Variants in BAIAP2L2 observed in about 807,000 individuals in gnomAD.
The protein encoded by BAIAP2L2 is BAR/IMD domain containing adaptor protein 2 like 2, also known as BAR/IMD domain-containing adapter protein 2-like 2.
Under a neutral mutation model 60.4 loss-of-function variants are expected in BAIAP2L2, and 65 were observed. The observed-to-expected ratio is 1.08, with a 90% CI of 0.88 to 1.32. The LOEUF (loss-of-function observed/expected upper bound fraction) is 1.32. Ranked by LOEUF, BAIAP2L2 falls within the 40% of genes most tolerant of loss-of-function variation. The probability of loss-of-function intolerance (pLI) is 0.00; values close to 1 mark genes in which losing one functional copy is unlikely to be tolerated. For missense variants in BAIAP2L2, 836 were observed against 741.2 expected (o/e 1.13, Z -1.48); for synonymous variants, 344 against 301.7 (o/e 1.14, Z -1.45).
chr22:38,108,506 G>C (rs2086715909), intron 2 of BAIAP2L2, among the ~76,000 whole-genome samples, 165 bp from the exon 3 acceptor site: 1 of 152,170 alleles, frequency 6.6e-6, no homozygotes, highest in Non-Finnish European at 1.5e-5. Context: ...TCAGGTGCAG[G>C]GGCATAAGGT....
At chr22:38,085,601 A>C in intron 13 of BAIAP2L2, 85 bp downstream of exon 13, 1 of 1,483,904 alleles carries the variant, frequency 6.7e-7, no homozygotes, top group Non-Finnish European at 9.4e-7. Context: ...CTCCTGCCCC[A>C]GTCTCCCTAG....
chr22:38,108,539 G>A (rs1602035985), intron 2 of BAIAP2L2, among the ~76,000 whole-genome samples, 198 bp from the exon 3 acceptor site: 1 of 152,192 alleles, frequency 6.6e-6, no homozygotes, highest in East Asian at 1.9e-4. Context: ...CAGGGAGGTG[G>A]CGTGGAAAGC....
At position 38,089,171 on chromosome 22, in the gene BAIAP2L2, C is replaced by CGTAGGA. The variant is rs771158026; in HGVS notation, c.820_825dup (p.Ser274_Tyr275dup). ...GCGGGCCTCGCGTCGGGCTCGGTGC[C>CGTAGGA]GTAGGAGCCGGAGCCGTGCCGGCTG... On this transcript the variant is annotated inframe_insertion, in exon 9 of 14. Coordinates refer to ENST00000381669, the MANE Select transcript of BAIAP2L2 (RefSeq NM_025045.6). The CGTAGGA allele has an allele frequency of 1.1e-5, 15 of 1,324,376 alleles. No individual in the cohort carries two copies. In the African/African-American group the frequency reaches 2.0e-4, roughly 18 times the overall value. The allele number at this position is 1,324,376 out of a possible 1,614,324, so 82.0% of individuals were successfully genotyped here.
Position 38,089,150 on chromosome 22 carries a change from G to A in BAIAP2L2, c.847C>T (p.Pro283Ser). 7.4e-7 allele frequency: 1 copy of A among 1,342,378 alleles called. No individual in the cohort carries two copies. Among genetic ancestry groups the A allele is most frequent in the Non-Finnish European group, 9.5e-7 (1 of 1,051,428 alleles). 83.2% of individuals were successfully genotyped at this position (1,342,378 alleles called of 1,614,324 possible). Residue 283 changes from proline to serine, a missense_variant, in exon 9 of 14, where the codon CCC becomes TCC. Physicochemically the swap from Pro to Ser is moderately conservative, Grantham distance 74. Coordinates refer to ENST00000381669, the MANE Select transcript of BAIAP2L2 (RefSeq NM_025045.6). ...GSYGTEPDAR[P>S]ASQLEPDRRS... ...CGGTCTGGCTCTAGCTGGGACGCGGGCCTCGCGTCGGGCTCGGTGCCGTAG... is the reference window on the plus strand; with the variant it reads ...CGGTCTGGCTCTAGCTGGGACGCGGACCTCGCGTCGGGCTCGGTGCCGTAG...
chr22:38,097,135 G>T lies in BAIAP2L2; in HGVS notation c.509C>A (p.Ser170Tyr). 1 of 1,613,962 alleles carries T rather than the reference G, an allele frequency of 6.2e-7. No homozygotes were observed. ...RLHAQMQAFV[S>Y]ESQRAAELEE... The stretch of plus-strand genomic sequence containing the variant: ...CAATTCAGCCGCCCGCTGACTCTCA[G>T]ACACGAAGGCCTGCATCTGTGCGTG... The change falls in exon 7 of 14, where the codon TCT (serine) becomes TAT (tyrosine). Residue 170 changes from serine to tyrosine, a missense_variant. By Grantham distance (144) the Ser-to-Tyr change is moderately radical. Transcript: ENST00000381669.
At chr22:38,098,228 C>G (rs548050897) in intron 5 of BAIAP2L2, 49 bp from the exon 6 acceptor site, 3 of 1,580,978 alleles carry the variant, frequency 1.9e-6, no homozygotes, top group Admixed American at 3.3e-5. Flanking sequence ...CATCAGAGAG[C>G]TCAAGACACC....
At chr22:38,097,998 CGGTCTCGCCCCGA>C (rs147676763) in intron 6 of BAIAP2L2, 52 bp downstream of exon 6, 294,168 of 1,047,828 alleles carry the variant, frequency 0.28, 61,160 homozygotes, top group South Asian at 0.5. Flanking sequence ...TCCCAGGGCC[CGGTCTCGCCCCGA>C]GGTCTGCCCA....
chr22:38,089,903 G>A (rs897187949), intron 7 of BAIAP2L2, among the ~76,000 whole-genome samples: 3 of 151,856 alleles, frequency 2.0e-5, no homozygotes, highest in Non-Finnish European at 4.4e-5. Context: ...CCCGCTTCCC[G>A]CGTCAATGTG....
At chr22:38,101,371 T>TAAAAAAAAA (rs529893934) in intron 4 of BAIAP2L2, among the ~76,000 whole-genome samples, 3 of 80,742 alleles carry the variant, frequency 3.7e-5, no homozygotes, top group Admixed American at 1.4e-4. Context: ...TGTCTCTACA[T>TAAAAAAAAA]AAAAAAAAAA....
rs1248562952 is a variant in BAIAP2L2, at chr22:38,108,241, AG to A, written c.214+13del. The A allele has an allele frequency of 6.2e-7, 1 of 1,609,082 alleles. No individual in the cohort carries two copies. Among genetic ancestry groups the A allele is most frequent in the Non-Finnish European group, 8.5e-7 (1 of 1,177,846 alleles). On this transcript the variant is annotated intron_variant, in intron 3 of 13. Coordinates refer to ENST00000381669, the MANE Select transcript of BAIAP2L2 (RefSeq NM_025045.6). ...GGCCCAAGAATGGGGTCTGCTGTGG[AG>A]GGGGAGCCTCACCCAGAATCTGTGA...
At chr22:38,109,537 G>A (rs1314381046) in intron 1 of BAIAP2L2, among the ~76,000 whole-genome samples, 1 of 152,170 alleles carries the variant, frequency 6.6e-6, no homozygotes, top group Non-Finnish European at 1.5e-5. Context: ...GCAGAAGCTG[G>A]CCCGCCTGCT....
intron 7 of BAIAP2L2, 107 bp downstream of exon 7, chr22:38,096,925 A>C: frequency 7.8e-7 from 1 of 1,281,022 alleles, no homozygotes; most frequent in Non-Finnish European, 1.1e-6. Context: ...ACAGACAGGC[A>C]GGCAGGGAGG....
chr22:38,096,845 T>C (rs923142801), intron 7 of BAIAP2L2, among the ~76,000 whole-genome samples, 187 bp downstream of exon 7: 6 of 152,080 alleles, frequency 3.9e-5, no homozygotes, highest in Admixed American at 1.3e-4. Context: ...TGAGTGAATA[T>C]ACAGTGATAC....
At chr22:38,099,870 G>A (rs1369824457) in intron 4 of BAIAP2L2, among the ~76,000 whole-genome samples, 1 of 152,166 alleles carries the variant, frequency 6.6e-6, no homozygotes, top group East Asian at 1.9e-4. Context: ...ACGGGGCTAG[G>A]GGATCGCCCA....
Position 38,098,173 on chromosome 22 carries a change from G to T in BAIAP2L2, c.355C>A (p.Arg119Ser). 6.2e-7 allele frequency: 1 copy of T among 1,614,046 alleles called. No homozygotes were observed. The highest frequency in any genetic ancestry group is 8.5e-7 in the Non-Finnish European group (1 of 1,180,016). ...KLDMQFIKDS[R>S]QHYELEYRHR... ...CGGTACTCGAGCTCATAGTGCTGGC[G>T]GCTGTCCTGGGGTAGGGTGGAGTCG... Residue 119 changes from arginine to serine, a missense_variant, in exon 6 of 14, where the codon CGC becomes AGC. Physicochemically the swap from Arg to Ser is moderately radical, Grantham distance 110. Transcript: ENST00000381669.
At chr22:38,102,177 T>G (rs985479595) in intron 4 of BAIAP2L2, among the ~76,000 whole-genome samples, 2 of 152,146 alleles carry the variant, frequency 1.3e-5, no homozygotes, top group East Asian at 3.9e-4. Context: ...AGGTCCCTGG[T>G]AAAGTCTGAA....
chr22:38,104,657 G>A (rs1038422819), intron 4 of BAIAP2L2, among the ~76,000 whole-genome samples: 42 of 151,956 alleles, frequency 2.8e-4, no homozygotes, highest in African/African-American at 9.9e-4. Flanking sequence ...CACCATGCCC[G>A]GCTAATTGTT....
intron 7 of BAIAP2L2, among the ~76,000 whole-genome samples, chr22:38,094,113 TG>T (rs1175249310): frequency 6.6e-6 from 1 of 152,184 alleles, no homozygotes; most frequent in Non-Finnish European, 1.5e-5. Flanking sequence ...GCAAATGTAT[TG>T]AGACAGAAAG....
chr22:38,085,033 G>C lies in BAIAP2L2; in HGVS notation c.*267C>G. The C allele has an allele frequency of 4.4e-6, 2 of 450,182 alleles. No homozygotes were observed. Among genetic ancestry groups the C allele is most frequent in the Non-Finnish European group, 8.1e-6 (2 of 246,528 alleles). The allele number at this position is 450,182 out of a possible 1,614,324, so 27.9% of individuals were successfully genotyped here. ...GGGGAAAGAGGTTAGGGGGCAAGAG[G>C]TGGGCCCCCCAGGGAGAGTCCTGGA... On this transcript the variant is annotated 3_prime_UTR_variant, in exon 14 of 14. Coordinates refer to ENST00000381669, the MANE Select transcript of BAIAP2L2 (RefSeq NM_025045.6).
Sources: gnomAD v4.1 joint callset for allele counts (sites outside exome capture counted in the v4.1 genomes callset) on GRCh38, gnomAD v4.1.1 for gene constraint, MANE v1.5 for transcripts, NCBI Gene and HGNC (gene_info 2026-07-23, HGNC 2026-07-21) for gene names.